ZEB1: variants seen among roughly 807,000 people sequenced by gnomAD.
The protein encoded by ZEB1 is zinc finger E-box binding homeobox 1.
A neutral mutation model predicts 84.9 loss-of-function variants in ZEB1; 21 were observed. The observed-to-expected ratio is 0.25, with a 90% CI of 0.18 to 0.36. The LOEUF (loss-of-function observed/expected upper bound fraction) is 0.36, where lower values mean the gene tolerates loss of function less well. Ranked by LOEUF, ZEB1 falls within the 10% of genes least tolerant of loss-of-function variation. The pLI is 1.00. For synonymous variants in ZEB1, 420 were observed against 471.1 expected, an observed-to-expected ratio of 0.89 and a Z score of 1.41; for missense variants, 1,104 against 1,330.2, an observed-to-expected ratio of 0.83 and a Z score of 2.65.
intron 1 of ZEB1, among the ~76,000 whole-genome samples, chr10:31,382,026 A>AC (rs1383470348): frequency 6.7e-6 from 1 of 150,258 alleles, no homozygotes; most frequent in Non-Finnish European, 1.5e-5. Context: ...AAAAAAAAAA[A>AC]AAAAAAAACA....
At chr10:31,382,300 A>G (rs2047829982) in intron 1 of ZEB1, among the ~76,000 whole-genome samples, 3 of 152,166 alleles carry the variant, frequency 2.0e-5, no homozygotes, top group Admixed American at 2.0e-4. Flanking sequence ...TTTGAGTGGA[A>G]CATGCTATCT....
intron 1 of ZEB1, chr10:31,362,896 C>T (rs1370199948): frequency 2.0e-5 from 28 of 1,401,466 alleles, no homozygotes; most frequent in Admixed American, 9.8e-5. Context: ...ACTTAACACT[C>T]TCATGTTCTT....
In ZEB1 at chr10:31,406,037, G is replaced by A. The variant is rs1374280297; in HGVS notation, c.59-55000G>A. Among the ~76,000 whole-genome samples the A allele has an allele frequency of 2.0e-5, 3 of 151,986 alleles. No individual in the cohort carries two copies. In the East Asian group the frequency reaches 5.8e-4, roughly 29 times the overall value. On this transcript the variant is annotated intron_variant, in intron 1 of 8. Coordinates refer to ENST00000424869, the MANE Select transcript of ZEB1 (RefSeq NM_001174096.2). ...AGGACATGAACTCATCCTTTTTATGGCTGCATAGTATTCCATGGTGTATAT... is the reference window on the plus strand; with the variant it reads ...AGGACATGAACTCATCCTTTTTATGACTGCATAGTATTCCATGGTGTATAT...
chr10:31,372,571 G>A (rs1006713236), intron 1 of ZEB1, among the ~76,000 whole-genome samples: 1 of 151,946 alleles, frequency 6.6e-6, no homozygotes, highest in East Asian at 1.9e-4. Flanking sequence ...TGATCAGGCA[G>A]GATTACGCTA....
intron 3 of ZEB1, among the ~76,000 whole-genome samples, chr10:31,497,081 A>G (rs1489113619): frequency 6.6e-6 from 1 of 152,084 alleles, no homozygotes; most frequent in Non-Finnish European, 1.5e-5. Context: ...TTGTTATCAA[A>G]TATTTGCCAT....
rs574446955 is a variant in ZEB1, at chr10:31,443,200, T to C, written c.59-17837T>C. On this transcript the variant is annotated intron_variant, in intron 1 of 8. Transcript: ENST00000424869. The stretch of plus-strand genomic sequence containing the variant: ...TTTGTGTGTGCGAATTGCTTGTGCA[T>C]ATTCTTACTGGGTGGTTCATCTTAT... 4.6e-5 allele frequency among the ~76,000 whole-genome samples: 7 copies of C among 152,334 alleles called. No individual in the cohort carries two copies. In the South Asian group the frequency reaches 1.4e-3, roughly 32 times the overall value.
chr10:31,432,880 T>G (rs1291412169), intron 1 of ZEB1, among the ~76,000 whole-genome samples: 1 of 152,228 alleles, frequency 6.6e-6, no homozygotes, highest in East Asian at 1.9e-4. Flanking sequence ...TTTACAAATC[T>G]CTTTAATGTG....
intron 1 of ZEB1, among the ~76,000 whole-genome samples, chr10:31,390,123 T>C (rs956358609): frequency 6.6e-6 from 1 of 152,188 alleles, no homozygotes; most frequent in South Asian, 2.1e-4. Flanking sequence ...TAACAAATAA[T>C]GGTTTAGTGT....
At chr10:31,420,376 T>C (rs1268913070) in intron 1 of ZEB1, among the ~76,000 whole-genome samples, 1 of 152,140 alleles carries the variant, frequency 6.6e-6, no homozygotes, top group Non-Finnish European at 1.5e-5. Context: ...CAGGGTCCTC[T>C]TCCAAGATCA....
rs1195614523 is a variant in ZEB1, at chr10:31,472,974, T to C, written c.259+11737T>C. ...GACAAAAACCACATGATTATCTCAA[T>C]AGATGCAGAAAAGGCCTTTGACAAA... On this transcript the variant is annotated intron_variant, in intron 2 of 8. Transcript: ENST00000424869. Among the ~76,000 whole-genome samples the C allele has an allele frequency of 6.2e-3, 822 of 132,740 alleles. 30 individuals carry two copies. Among genetic ancestry groups the C allele is most frequent in the African/African-American group, 0.029 (774 of 26,410 alleles). 87.1% of individuals were successfully genotyped at this position (132,740 alleles called of 152,430 possible).
intron 2 of ZEB1, among the ~76,000 whole-genome samples, chr10:31,474,400 G>T (rs962565782): frequency 6.6e-6 from 1 of 152,210 alleles, no homozygotes; most frequent in Admixed American, 6.5e-5. Context: ...AGTGGGCAAA[G>T]GACATGAACA....
At chr10:31,484,156 C>T (rs1424752291) in intron 2 of ZEB1, among the ~76,000 whole-genome samples, 1 of 151,882 alleles carries the variant, frequency 6.6e-6, no homozygotes, top group Non-Finnish European at 1.5e-5. Context: ...ATTAACTGGC[C>T]CACCCAAATA....
intron 1 of ZEB1, chr10:31,387,066 A>G (rs1466354562): frequency 2.0e-6 from 2 of 982,732 alleles, no homozygotes; most frequent in Non-Finnish European, 2.4e-6. Context: ...ATAGAAGATA[A>G]GCTTGATCAA....
chr10:31,335,169 A>G lies in ZEB1; in HGVS notation c.58+15877A>G, dbSNP rs117353077. Among the ~76,000 whole-genome samples the G allele has an allele frequency of 3.6e-3, 553 of 152,260 alleles. 1 individual carries two copies. Among genetic ancestry groups the G allele is most frequent in the South Asian group, 0.011 (53 of 4,822 alleles). ...ATCACAGTCCGAAAATATTAAATGG[A>G]AAATTCAAGAAATAAAAATTCATAT... On this transcript the variant is annotated intron_variant, in intron 1 of 8. Coordinates refer to ENST00000424869, the MANE Select transcript of ZEB1 (RefSeq NM_001174096.2).
chr10:31,366,132 C>A (rs957176775), intron 1 of ZEB1, among the ~76,000 whole-genome samples: 1 of 152,144 alleles, frequency 6.6e-6, no homozygotes, highest in South Asian at 2.1e-4. Flanking sequence ...ACAGGTTAGT[C>A]CTTTCCCCCA....
At chr10:31,463,160 A>G (rs1303034483) in intron 2 of ZEB1, among the ~76,000 whole-genome samples, 2 of 152,154 alleles carry the variant, frequency 1.3e-5, no homozygotes, top group African/African-American at 4.8e-5. Flanking sequence ...TAGGTAATCA[A>G]GAAGGAAATG....
intron 1 of ZEB1, among the ~76,000 whole-genome samples, chr10:31,338,450 G>T (rs898646382): frequency 2.6e-5 from 4 of 152,132 alleles, no homozygotes; most frequent in African/African-American, 4.8e-5. Flanking sequence ...AGGCAGTCTG[G>T]TTCCACAGTC....
chr10:31,433,245 A>G (rs1474374274), intron 1 of ZEB1, among the ~76,000 whole-genome samples: 2 of 152,206 alleles, frequency 1.3e-5, no homozygotes, highest in African/African-American at 4.8e-5. Context: ...ATGTTGACAC[A>G]TTCCATTTTA....
At chr10:31,459,661 A>G (rs534187962) in intron 1 of ZEB1, among the ~76,000 whole-genome samples, 37 of 152,216 alleles carry the variant, frequency 2.4e-4, no homozygotes, top group African/African-American at 8.7e-4. Context: ...TTCTGACACA[A>G]GATATTGAAG....
Sources: allele counts gnomAD v4.1 joint callset (sites outside exome capture counted in the v4.1 genomes callset), GRCh38; gene constraint gnomAD v4.1.1; transcripts MANE v1.5; gene names NCBI Gene and HGNC (gene_info 2026-07-23, HGNC 2026-07-21).